The following NAV3 variants were observed in gnomAD, a reference collection of about 807,000 sequenced individuals.
The protein encoded by NAV3 is neuron navigator 3, also known as pore membrane and/or filament interacting like protein 1.
NAV3 carries 87 observed loss-of-function variants against 244.7 expected under a neutral mutation model. That is an observed-to-expected ratio of 0.36 (90% CI 0.30 to 0.42). The LOEUF (loss-of-function observed/expected upper bound fraction) is 0.42. Ranked by LOEUF, NAV3 falls within the 20% of genes least tolerant of loss-of-function variation. The pLI is 1.00. For synonymous variants in NAV3, 1,126 were observed against 1,042.2 expected (o/e 1.08, Z -1.55); for missense variants, 2,663 against 2,893.3 (o/e 0.92, Z 1.83).
At chr12:78,095,276 C>T (rs1954191472) in intron 12 of NAV3, among the ~76,000 whole-genome samples, 2 of 151,994 alleles carry the variant, frequency 1.3e-5, no homozygotes, top group African/African-American at 4.8e-5. Flanking sequence ...AATGAGATAA[C>T]TAATTTCTGA....
At chr12:77,680,948 G>T (rs764151798) in intron 2 of NAV3, among the ~76,000 whole-genome samples, 16 of 152,096 alleles carry the variant, frequency 1.1e-4, no homozygotes, top group Non-Finnish European at 2.2e-4. Context: ...CCTCAATAAA[G>T]TTGACTGTGA....
chr12:77,840,064 A>T (rs1011852296), intron 1 of NAV3, among the ~76,000 whole-genome samples: 1 of 152,150 alleles, frequency 6.6e-6, no homozygotes, highest in South Asian at 2.1e-4. Flanking sequence ...TAGAGTAAGA[A>T]TCTGTCTAAA....
intron 23 of NAV3, among the ~76,000 whole-genome samples, chr12:78,160,859 CTCCT>C (rs1957514248): frequency 6.6e-6 from 1 of 151,388 alleles, no homozygotes; most frequent in Admixed American, 6.6e-5. Flanking sequence ...CCCTCCCTCC[CTCCT>C]TCCCTCCCTT....
intron 2 of NAV3, among the ~76,000 whole-genome samples, chr12:77,773,660 G>T (rs1219519968): frequency 6.6e-6 from 1 of 152,208 alleles, no homozygotes; most frequent in East Asian, 1.9e-4. Context: ...GGCAAAAAAA[G>T]AATGCTATTG....
chr12:77,878,497 G>A (rs1882161160), intron 1 of NAV3, among the ~76,000 whole-genome samples: 1 of 151,924 alleles, frequency 6.6e-6, no homozygotes, highest in Non-Finnish European at 1.5e-5. Flanking sequence ...CCAAAGTGCT[G>A]GGGTTACAGG....
rs949826027 is a variant in NAV3, at chr12:77,938,934, G to C, written c.244-1385G>C. Among the ~76,000 whole-genome samples the C allele has an allele frequency of 4.0e-3, 541 of 136,528 alleles. 7 individuals are homozygous for C. The highest frequency in any genetic ancestry group is 0.016 in the African/African-American group (507 of 31,624). The allele number at this position is 136,528 out of a possible 152,430, so 89.6% of individuals were successfully genotyped here. A position where few individuals can be genotyped will look rare whatever the true frequency, so the allele number is the denominator to read the frequency against. On this transcript the variant is annotated intron_variant, in intron 1 of 39. Transcript: ENST00000397909. ...AATTTGGTTTAAAATGTGATCTCGT[G>C]TGTGTGTGTGTGTGTGTGTGTGTGT...
chr12:77,832,851 A>G (rs111985070), intron 1 of NAV3, among the ~76,000 whole-genome samples: 1 of 152,168 alleles, frequency 6.6e-6, no homozygotes, highest in African/African-American at 2.4e-5. Flanking sequence ...AGCATTAACT[A>G]TGATGTCAAG....
intron 2 of NAV3, among the ~76,000 whole-genome samples, chr12:77,825,428 A>G (rs1872938397): frequency 6.6e-6 from 1 of 152,208 alleles, no homozygotes; most frequent in African/African-American, 2.4e-5. Flanking sequence ...CAAGAAAGTG[A>G]ACAGGAATGT....
At chr12:77,634,149 T>C (rs1437016059) in intron 2 of NAV3, among the ~76,000 whole-genome samples, 1 of 151,812 alleles carries the variant, frequency 6.6e-6, no homozygotes, top group Non-Finnish European at 1.5e-5. Context: ...CCAGAGTCCT[T>C]TGGGATTTTG....
chr12:78,192,554 C>T (rs951550661), intron 34 of NAV3, among the ~76,000 whole-genome samples: 3 of 151,498 alleles, frequency 2.0e-5, no homozygotes, highest in African/African-American at 7.3e-5. Context: ...TACAGGTGCC[C>T]ACCACCACAC....
intron 4 of NAV3, among the ~76,000 whole-genome samples, chr12:77,967,880 G>T (rs1476983711): frequency 6.6e-6 from 1 of 151,978 alleles, no homozygotes; most frequent in East Asian, 1.9e-4. Flanking sequence ...AAAAATAAAA[G>T]AATTGGAACA....
At chr12:77,737,772 C>T (rs954139856) in intron 2 of NAV3, among the ~76,000 whole-genome samples, 4 of 152,184 alleles carry the variant, frequency 2.6e-5, no homozygotes, top group African/African-American at 2.4e-5. Flanking sequence ...CTACCTTCCA[C>T]CATGTAAGAA....
chr12:77,884,209 T>C (rs887535853), intron 1 of NAV3, among the ~76,000 whole-genome samples: 2 of 152,066 alleles, frequency 1.3e-5, no homozygotes, highest in Non-Finnish European at 2.9e-5. Flanking sequence ...AATTGATGGA[T>C]GGACGGAGGG....
chr12:78,089,524 T>C (rs1038314558), intron 12 of NAV3, among the ~76,000 whole-genome samples: 20 of 152,170 alleles, frequency 1.3e-4, no homozygotes, highest in Non-Finnish European at 2.4e-4. Flanking sequence ...GTTTCTTTTC[T>C]TTATTTTTAA....
intron 5 of NAV3, among the ~76,000 whole-genome samples, chr12:77,974,784 A>T (rs1868270485): frequency 6.6e-6 from 1 of 152,184 alleles, no homozygotes; most frequent in South Asian, 2.1e-4. Context: ...GAATGGTGTC[A>T]ACTTTCTCAT....
intron 2 of NAV3, among the ~76,000 whole-genome samples, chr12:77,689,270 G>A (rs1178052354): frequency 6.6e-6 from 1 of 151,954 alleles, no homozygotes; most frequent in Non-Finnish European, 1.5e-5. Context: ...AACATTATAT[G>A]CCAGTGTTCA....
intron 2 of NAV3, among the ~76,000 whole-genome samples, chr12:77,822,721 C>A (rs1872796868): frequency 6.6e-6 from 1 of 152,008 alleles, no homozygotes; most frequent in Admixed American, 6.6e-5. Flanking sequence ...CCTCATTAGT[C>A]CTGAAGACAA....
chr12:77,935,788 A>T (rs2137394832), intron 1 of NAV3, among the ~76,000 whole-genome samples: 1 of 152,350 alleles, frequency 6.6e-6, no homozygotes, highest in East Asian at 1.9e-4. Flanking sequence ...ACTTACAGTC[A>T]TGGTGGAAGG....
At chr12:77,969,144 G>A (rs1169485938) in intron 5 of NAV3, among the ~76,000 whole-genome samples, 2 of 38,818 alleles carry the variant, frequency 5.2e-5, no homozygotes, top group African/African-American at 1.1e-4. Flanking sequence ...TGTTTTTGAT[G>A]TGTGTGTGTG....
Sources: gnomAD v4.1 joint callset for allele counts (sites outside exome capture counted in the v4.1 genomes callset) on GRCh38, gnomAD v4.1.1 for gene constraint, MANE v1.5 for transcripts, NCBI Gene and HGNC (gene_info 2026-07-23, HGNC 2026-07-21) for gene names.